XPR1: variants seen among roughly 807,000 people sequenced by gnomAD.
XPR1 encodes the protein xenotropic and polytropic retrovirus receptor 1.
A neutral mutation model predicts 87.5 loss-of-function variants in XPR1; 28 were observed. The observed-to-expected ratio is 0.32, with a 90% CI of 0.24 to 0.44. The LOEUF (loss-of-function observed/expected upper bound fraction) is 0.44. Ranked by LOEUF, XPR1 falls within the 20% of genes least tolerant of loss-of-function variation. XPR1 has a pLI of 1.00. For synonymous variants in XPR1, 300 were observed against 306.1 expected (o/e 0.98, Z 0.21); for missense variants, 559 against 862.3 (o/e 0.65, Z 4.41).
intron 2 of XPR1, among the ~76,000 whole-genome samples, chr1:180,724,288 G>A (rs1200322277): frequency 6.6e-6 from 1 of 152,138 alleles, no homozygotes; most frequent in Non-Finnish European, 1.5e-5. Context: ...TACCCATTAA[G>A]CACAGTAAGC....
chr1:180,778,805 C>T (rs1648827062), intron 2 of XPR1, among the ~76,000 whole-genome samples: 1 of 152,184 alleles, frequency 6.6e-6, no homozygotes, highest in African/African-American at 2.4e-5. Context: ...CATTTGCACA[C>T]CTAATTTCCT....
intron 2 of XPR1, among the ~76,000 whole-genome samples, chr1:180,763,065 C>A (rs1388210650): frequency 6.6e-6 from 1 of 152,178 alleles, no homozygotes; most frequent in Non-Finnish European, 1.5e-5. Flanking sequence ...GACAGCTGTT[C>A]ATCCTCCAGC....
chr1:180,749,931 G>A (rs1474213608), intron 2 of XPR1, among the ~76,000 whole-genome samples: 2 of 152,122 alleles, frequency 1.3e-5, no homozygotes, highest in Non-Finnish European at 2.9e-5. Flanking sequence ...GAAGGGTTGA[G>A]GGAATATGGT....
chr1:180,831,364 T>TTTTC (rs746246559), intron 9 of XPR1, among the ~76,000 whole-genome samples: 514 of 32,340 alleles, frequency 0.016, 1 homozygote, highest in Admixed American at 0.043. Flanking sequence ...TTCTTTTTCT[T>TTTTC]TTTTTTTTTT....
intron 11 of XPR1, among the ~76,000 whole-genome samples, chr1:180,847,661 T>C (rs1325225349): frequency 6.6e-6 from 1 of 152,172 alleles, no homozygotes; most frequent in Non-Finnish European, 1.5e-5. Flanking sequence ...AAAACTCACA[T>C]GCAAAATATT....
chr1:180,640,468 G>A (rs74870300), intron 1 of XPR1, among the ~76,000 whole-genome samples: 220 of 152,310 alleles, frequency 1.4e-3, no homozygotes, highest in African/African-American at 5.1e-3. Context: ...AAGAGCCCAT[G>A]CTCTTAATTT....
intron 12 of XPR1, among the ~76,000 whole-genome samples, chr1:180,872,858 A>G (rs1652547104): frequency 6.6e-6 from 1 of 152,042 alleles, no homozygotes; most frequent in Non-Finnish European, 1.5e-5. Flanking sequence ...TATTCTTATT[A>G]CACATATTAG....
chr1:180,703,773 T>C (rs58976920), intron 2 of XPR1, among the ~76,000 whole-genome samples: 6,536 of 152,266 alleles, frequency 0.043, 502 homozygotes, highest in African/African-American at 0.15. Context: ...TGACACCATT[T>C]GGTACAGAAG....
intron 1 of XPR1, among the ~76,000 whole-genome samples, chr1:180,676,376 A>C (rs1362776974): frequency 6.6e-6 from 1 of 152,114 alleles, no homozygotes; most frequent in Non-Finnish European, 1.5e-5. Context: ...AAACATTTGA[A>C]TCTCTGATAT....
At chr1:180,647,946 A>G (rs1370073360) in intron 1 of XPR1, among the ~76,000 whole-genome samples, 1 of 150,088 alleles carries the variant, frequency 6.7e-6, no homozygotes, top group Non-Finnish European at 1.5e-5. Context: ...AGTAGCCAGT[A>G]GATCTTTCTG....
Position 180,814,748 on chromosome 1 carries a change from A to G in XPR1, c.763+3260A>G, listed in dbSNP as rs79444100. 3.9e-4 allele frequency among the ~76,000 whole-genome samples: 60 copies of G among 152,330 alleles called. No individual in the cohort carries two copies. In the East Asian group the frequency reaches 6.4e-3, roughly 16 times the overall value. On this transcript the variant is annotated intron_variant, in intron 7 of 14. Transcript: ENST00000367590. ...AAGATAGAAGGTGTTAAATTTTCTA[A>G]GCGGTTCAAAGAGACAACTGATTAC...
intron 9 of XPR1, among the ~76,000 whole-genome samples, chr1:180,828,576 C>G (rs751637097): frequency 6.6e-6 from 1 of 152,018 alleles, no homozygotes; most frequent in Non-Finnish European, 1.5e-5. Flanking sequence ...CTCTTTAGTT[C>G]TATAGTAAAA....
At chr1:180,750,677 T>C (rs547096372) in intron 2 of XPR1, among the ~76,000 whole-genome samples, 5 of 152,198 alleles carry the variant, frequency 3.3e-5, no homozygotes, top group Non-Finnish European at 7.4e-5. Context: ...AATCAAACAA[T>C]ATAAATTTGA....
rs1411165177 is a variant in XPR1, at chr1:180,890,134, C to A, written c.*6068C>A. On this transcript the variant is annotated 3_prime_UTR_variant, in exon 15 of 15. Transcript: ENST00000367590. Reference sequence around the variant, plus strand: ...ACAATGTGGTACTGTTTTATAGTTTCTAGATGGTTGTATAAAGCAAAAAGT... The same window carrying A: ...ACAATGTGGTACTGTTTTATAGTTTATAGATGGTTGTATAAAGCAAAAAGT... 6.6e-6 allele frequency: 1 copy of A among 152,116 alleles called. No homozygotes were observed. Among genetic ancestry groups the A allele is most frequent in the African/African-American group, 2.4e-5 (1 of 41,424 alleles). The allele number at this position is 152,116 out of a possible 1,614,324, so 9.4% of individuals were successfully genotyped here.
At chr1:180,740,246 TC>T (rs1305526633) in intron 2 of XPR1, among the ~76,000 whole-genome samples, 1 of 152,172 alleles carries the variant, frequency 6.6e-6, no homozygotes, top group Non-Finnish European at 1.5e-5. Flanking sequence ...TTCTCCTTGT[TC>T]CCATCTTAGC....
intron 5 of XPR1, 80 bp from the exon 6 acceptor site, chr1:180,806,394 T>C (rs1649993232): frequency 6.6e-7 from 1 of 1,516,972 alleles, no homozygotes; most frequent in Non-Finnish European, 9.0e-7. Context: ...GAATATAATA[T>C]ATATAAATGG....
intron 11 of XPR1, among the ~76,000 whole-genome samples, chr1:180,848,797 T>C (rs1381815220): frequency 6.6e-6 from 1 of 152,108 alleles, no homozygotes; most frequent in Non-Finnish European, 1.5e-5. Flanking sequence ...TTATAAAAAG[T>C]CTTAATAAAA....
At chr1:180,746,417 C>T (rs1348466650) in intron 2 of XPR1, among the ~76,000 whole-genome samples, 1 of 152,154 alleles carries the variant, frequency 6.6e-6, no homozygotes, top group Non-Finnish European at 1.5e-5. Context: ...TAATGGCCTC[C>T]AGTTCCAAAC....
intron 2 of XPR1, among the ~76,000 whole-genome samples, chr1:180,755,476 T>C (rs776744160): frequency 3.3e-5 from 5 of 152,150 alleles, no homozygotes; most frequent in Non-Finnish European, 1.5e-5. Context: ...ACCTCACACA[T>C]CTACCAGCTA....
Sources: allele counts gnomAD v4.1 joint callset (sites outside exome capture counted in the v4.1 genomes callset), GRCh38; gene constraint gnomAD v4.1.1; transcripts MANE v1.5; gene names NCBI Gene and HGNC (gene_info 2026-07-23, HGNC 2026-07-21).